Variants in SLC51A observed in about 807,000 individuals in gnomAD.
The protein encoded by SLC51A is organic solute transporter subunit alpha.
A neutral mutation model predicts 34.8 loss-of-function variants in SLC51A; 22 were observed. The observed-to-expected ratio is 0.63, with a 90% confidence interval of 0.45 to 0.90. SLC51A has a LOEUF of 0.90. Ranked by LOEUF, SLC51A falls within the 40% of genes least tolerant of loss-of-function variation. The probability of loss-of-function intolerance (pLI) is 0.00; values close to 1 mark genes in which losing one functional copy is unlikely to be tolerated. For missense variants in SLC51A, 371 were observed against 414.8 expected (o/e 0.89, Z 0.92); for synonymous variants, 181 against 176.3 (o/e 1.03, Z -0.21).
intron 7 of SLC51A, 54 bp downstream of exon 7, chr3:196,230,115 G>A (rs1723999037): frequency 6.7e-7 from 1 of 1,499,922 alleles, no homozygotes; most frequent in African/African-American, 1.4e-5. Flanking sequence ...ACAGATAGTT[G>A]GGGTTAGTAA....
At chr3:196,231,718 C>T (rs368719066) in intron 7 of SLC51A, among the ~76,000 whole-genome samples, 2 of 152,296 alleles carry the variant, frequency 1.3e-5, no homozygotes, top group South Asian at 2.1e-4. Context: ...CTGGGTGAGC[C>T]ACGCCAGCCT....
rs76496703 is a variant in SLC51A at position 196,228,089 on chromosome 3, T to C, written c.363-26T>C. 5,060 of 1,603,764 alleles carry C rather than the reference T, an allele frequency of 3.2e-3. 144 individuals carry two copies. In the African/African-American group the frequency reaches 0.059, roughly 19 times the overall value. On this transcript the variant is annotated intron_variant, in intron 4 of 8. Transcript: ENST00000296327. The surrounding 1 kb of genome is among the most constrained non-coding windows in gnomAD (Gnocchi z 4.9). ...TCTTTCTCTCTGGCAGCAGACCTCG[T>C]AGGCCCTCTTCTCTCCCCACCCCAG...
chr3:196,224,246 A>C (rs1041504034), intron 2 of SLC51A, among the ~76,000 whole-genome samples: 1 of 151,846 alleles, frequency 6.6e-6, no homozygotes, highest in African/African-American at 2.4e-5. Flanking sequence ...ATACAAAATA[A>C]ATTTTTCACA....
At chr3:196,227,208 G>A (rs78004731) in intron 3 of SLC51A, 89 bp downstream of exon 3, 5 of 606,634 alleles carry the variant, frequency 8.2e-6, no homozygotes, top group South Asian at 5.9e-5. Context: ...ACGTCACTTC[G>A]GCAAAGAGTG....
At chr3:196,223,701 T>C (rs2108754470) in intron 2 of SLC51A, among the ~76,000 whole-genome samples, 2 of 147,766 alleles carry the variant, frequency 1.4e-5, no homozygotes, top group South Asian at 4.3e-4. Flanking sequence ...TTTTTTTAAT[T>C]AAACATTTCT....
intron 2 of SLC51A, among the ~76,000 whole-genome samples, chr3:196,224,234 T>A (rs1232222709): frequency 1.3e-5 from 2 of 151,834 alleles, no homozygotes; most frequent in African/African-American, 4.8e-5. Context: ...TTTGTAAGCA[T>A]GATACAAAAT....
Position 196,227,723 on chromosome 3 carries a change from A to T in SLC51A, c.348A>T (p.Glu116Asp), listed in dbSNP as rs538770464. 106 of 1,613,192 alleles carry T rather than the reference A, an allele frequency of 6.6e-5. No homozygotes were observed. Among genetic ancestry groups the T allele is most frequent in the Non-Finnish European group, 8.9e-5 (105 of 1,179,716 alleles). ...TCCCTCGTTCCCTGGTGCTGGTGGA[A>T]ATGACCATCACCTCGTGAGTGCCCT... is the stretch of plus-strand genomic sequence containing the variant. ...LWIPRSLVLV[E>D]MTITSFYAVC... Residue 116 changes from glutamate to aspartate, a missense_variant, in exon 4 of 9, where the codon GAA becomes GAT. Coordinates refer to ENST00000296327, the MANE Select transcript of SLC51A (RefSeq NM_152672.6).
At chr3:196,220,012 C>T (rs1011011459) in intron 2 of SLC51A, among the ~76,000 whole-genome samples, 4 of 152,234 alleles carry the variant, frequency 2.6e-5, no homozygotes, top group Non-Finnish European at 2.9e-5. Context: ...ATTTGGCCAG[C>T]GGGCCCTCCT....
At chr3:196,232,650 C>A in intron 8 of SLC51A, 126 bp downstream of exon 8, 1 of 708,020 alleles carries the variant, frequency 1.4e-6, no homozygotes, top group Non-Finnish European at 2.5e-6. Context: ...AAGGGATCTT[C>A]GGGAAATCCC....
chr3:196,228,536 T>A lies in SLC51A; in HGVS notation c.521+263T>A, dbSNP rs983580845. The A allele has an allele frequency of 5.4e-5, 33 of 607,290 alleles. No homozygotes were observed. The highest frequency in any genetic ancestry group is 8.9e-5 in the Admixed American group (3 of 33,856). The allele number at this position is 607,290 out of a possible 1,614,324, so 37.6% of individuals were successfully genotyped here. A position where few individuals can be genotyped will look rare whatever the true frequency, so the allele number is the denominator to read the frequency against. The stretch of plus-strand genomic sequence containing the variant: ...GAAAACTGGACTTGGGGCCATTCGC[T>A]TGCCCCTTCTGCCCACTTTGGTGAA... On this transcript the variant is annotated intron_variant, in intron 5 of 8. Coordinates refer to ENST00000296327, the MANE Select transcript of SLC51A (RefSeq NM_152672.6). The surrounding 1 kb of genome is among the most constrained non-coding windows in gnomAD (Gnocchi z 4.9).
intron 7 of SLC51A, among the ~76,000 whole-genome samples, chr3:196,230,516 T>G (rs1295864614): frequency 6.6e-6 from 1 of 151,832 alleles, no homozygotes; most frequent in Non-Finnish European, 1.5e-5. Flanking sequence ...TTCTATTTTT[T>G]TTTTTTTTTT....
In SLC51A at chr3:196,228,156, T is replaced by G. The variant is rs1024687622; in HGVS notation, c.404T>G (p.Val135Gly). The change falls in exon 5 of 9, where the codon GTG (valine) becomes GGG (glycine). Residue 135 changes from valine (V) to glycine (G), a missense_variant. Val to Gly is a moderately radical substitution (Grantham distance 109, BLOSUM62 -3). Coordinates refer to ENST00000296327, the MANE Select transcript of SLC51A (RefSeq NM_152672.6). The surrounding 1 kb of genome is among the most constrained non-coding windows in gnomAD (Gnocchi z 4.9). ...VCFYLLMLVMVEGFGGKEAVL... is the reference protein window; with the variant it reads ...VCFYLLMLVMGEGFGGKEAVL... ...TTTTACCTGCTGATGCTGGTCATGG[T>G]GGAAGGCTTTGGGGGGAAGGAGGCA... 1.9e-6 allele frequency: 3 copies of G among 1,614,062 alleles called. No individual in the cohort carries two copies. Among genetic ancestry groups the G allele is most frequent in the Non-Finnish European group, 2.5e-6 (3 of 1,179,992 alleles).
intron 6 of SLC51A, among the ~76,000 whole-genome samples, 154 bp downstream of exon 6, chr3:196,229,074 G>T (rs1008852872): frequency 2.6e-5 from 4 of 152,084 alleles, no homozygotes; most frequent in Non-Finnish European, 4.4e-5. Flanking sequence ...GGAGAGAACC[G>T]CAATAGGCCA....
intron 2 of SLC51A, among the ~76,000 whole-genome samples, chr3:196,224,734 GA>G (rs1723854360): frequency 1.0e-5 from 1 of 96,982 alleles, no homozygotes. Flanking sequence ...GAGAGGGGAG[GA>G]GAGGGGAGAG....
At chr3:196,223,634 A>G (rs1008736271) in intron 2 of SLC51A, among the ~76,000 whole-genome samples, 1 of 151,584 alleles carries the variant, frequency 6.6e-6, no homozygotes, top group African/African-American at 2.4e-5. Context: ...TTGGTTTTGG[A>G]AAACCACCTG....
chr3:196,230,849 C>T (rs1181585980), intron 7 of SLC51A, among the ~76,000 whole-genome samples: 2 of 152,228 alleles, frequency 1.3e-5, no homozygotes, highest in African/African-American at 4.8e-5. Flanking sequence ...ATTATGACCT[C>T]ATCTTAACTA....
At chr3:196,230,827 C>A (rs1724016044) in intron 7 of SLC51A, among the ~76,000 whole-genome samples, 1 of 152,158 alleles carries the variant, frequency 6.6e-6, no homozygotes, top group Non-Finnish European at 1.5e-5. Flanking sequence ...GATTAAGGGC[C>A]CACCCTATTC....
At chr3:196,227,827 G>A (rs1723935316) in intron 4 of SLC51A, 90 bp downstream of exon 4, 3 of 1,263,372 alleles carry the variant, frequency 2.4e-6, no homozygotes, top group Non-Finnish European at 3.3e-6. Context: ...AGCTGACCAT[G>A]TATCTGGCCC....
chr3:196,229,614 T>C (rs868801107), intron 6 of SLC51A, among the ~76,000 whole-genome samples: 1 of 148,324 alleles, frequency 6.7e-6, no homozygotes, highest in African/African-American at 2.5e-5. Flanking sequence ...TGACCTCAGG[T>C]GATCCGCCCG....
Sources: gnomAD v4.1 joint callset for allele counts (sites outside exome capture counted in the v4.1 genomes callset) on GRCh38, gnomAD v4.1.1 for gene constraint, Gnocchi (gnomAD v3.1) non-coding constraint, MANE v1.5 for transcripts, NCBI Gene and HGNC (gene_info 2026-07-23, HGNC 2026-07-21) for gene names.